Variants in WWOX observed in about 807,000 individuals in gnomAD.
WWOX encodes WW domain-containing oxidoreductase.
WWOX carries 69 observed loss-of-function variants against 46.2 expected under a neutral mutation model. The ratio of observed to expected loss-of-function variants is 1.49; its 90% CI spans 1.23 to 1.82. The LOEUF (loss-of-function observed/expected upper bound fraction) is 1.82. WWOX is among the 40% of genes most tolerant of loss of function. The probability of loss-of-function intolerance (pLI) is 0.00; values close to 1 mark genes in which losing one functional copy is unlikely to be tolerated. For missense variants in WWOX, 919 were observed against 542.6 expected, an observed-to-expected ratio of 1.69 and a Z score of -6.89; for synonymous variants, 359 against 202.6, an observed-to-expected ratio of 1.77 and a Z score of -6.56.
intron 5 of WWOX, among the ~76,000 whole-genome samples, chr16:78,327,348 C>T (rs2080646832): frequency 6.6e-6 from 1 of 152,138 alleles, no homozygotes; most frequent in Non-Finnish European, 1.5e-5. Flanking sequence ...CTTTCAAAGC[C>T]AGTTGTCACT....
At chr16:78,146,930 T>A (rs977508726) in intron 4 of WWOX, among the ~76,000 whole-genome samples, 1 of 152,194 alleles carries the variant, frequency 6.6e-6, no homozygotes, top group African/African-American at 2.4e-5. Context: ...CTGTTGTGGA[T>A]ATTTGACCAC....
chr16:78,401,691 C>A (rs1409110877), intron 6 of WWOX, among the ~76,000 whole-genome samples: 1 of 151,942 alleles, frequency 6.6e-6, no homozygotes, highest in African/African-American at 2.4e-5. Context: ...AATTTACATA[C>A]AATACAATTC....
At chr16:78,774,963 T>C (rs961756933) in intron 8 of WWOX, among the ~76,000 whole-genome samples, 1 of 151,994 alleles carries the variant, frequency 6.6e-6, no homozygotes, top group Non-Finnish European at 1.5e-5. Context: ...ATATTTGTGG[T>C]GTATGCTCGA....
At chr16:78,219,638 C>G (rs1207491215) in intron 5 of WWOX, among the ~76,000 whole-genome samples, 1 of 152,148 alleles carries the variant, frequency 6.6e-6, no homozygotes, top group Non-Finnish European at 1.5e-5. Context: ...ATGAACAGTT[C>G]TCTTTTGCTT....
intron 5 of WWOX, among the ~76,000 whole-genome samples, chr16:78,314,701 G>GTTTTTTTGT (rs2080322590): frequency 1.1e-4 from 7 of 61,306 alleles, no homozygotes; most frequent in Admixed American, 2.0e-4. Context: ...TTTTTTTTTT[G>GTTTTTTTGT]TTTTTTTTTT....
intron 6 of WWOX, among the ~76,000 whole-genome samples, chr16:78,405,149 G>C (rs1035886161): frequency 6.6e-6 from 1 of 152,148 alleles, no homozygotes; most frequent in African/African-American, 2.4e-5. Flanking sequence ...ACAAAAACAA[G>C]AGTATTTCCA....
rs573609259 is a variant in WWOX at position 78,842,766 on chromosome 16, C to A, written c.1057-368842C>A. ...ACTCAGGAGGCTGAGGCAGTAGATTCATTTGAGCCCAGGAGGCGGAGGTTG... is the reference window on the plus strand; with the variant it reads ...ACTCAGGAGGCTGAGGCAGTAGATTAATTTGAGCCCAGGAGGCGGAGGTTG... On this transcript the variant is annotated intron_variant, in intron 8 of 8. Coordinates refer to ENST00000566780, the MANE Select transcript of WWOX (RefSeq NM_016373.4). 2.3e-5 allele frequency among the ~76,000 whole-genome samples: 3 copies of A among 132,640 alleles called. 1 individual carries two copies. Among genetic ancestry groups the A allele is most frequent in the African/African-American group, 5.0e-5 (2 of 40,024 alleles). 87.0% of individuals were successfully genotyped at this position (132,640 alleles called of 152,430 possible).
chr16:78,913,092 T>C (rs2045153981), intron 8 of WWOX, among the ~76,000 whole-genome samples: 1 of 151,994 alleles, frequency 6.6e-6, no homozygotes. Flanking sequence ...TAGCTTTTGC[T>C]TCCCACATCT....
At chr16:78,296,661 T>A (rs1350112913) in intron 5 of WWOX, among the ~76,000 whole-genome samples, 4 of 151,894 alleles carry the variant, frequency 2.6e-5, no homozygotes, top group African/African-American at 4.8e-5. Context: ...TAAAAAAAAA[T>A]CAACATTTGC....
chr16:78,359,941 C>T (rs1405686666), intron 5 of WWOX, among the ~76,000 whole-genome samples: 1 of 152,176 alleles, frequency 6.6e-6, no homozygotes. Flanking sequence ...CAACACTCAT[C>T]TTGCAAATTT....
At chr16:78,308,512 C>T (rs1452750078) in intron 5 of WWOX, among the ~76,000 whole-genome samples, 2 of 152,152 alleles carry the variant, frequency 1.3e-5, no homozygotes, top group African/African-American at 4.8e-5. Context: ...TATAGGATCA[C>T]TTTGCAGATA....
chr16:78,960,884 C>G (rs937649196), intron 8 of WWOX, among the ~76,000 whole-genome samples: 3 of 152,194 alleles, frequency 2.0e-5, no homozygotes, highest in African/African-American at 7.2e-5. Flanking sequence ...CTTTTGAAGA[C>G]TTGATGTCAA....
At chr16:79,093,409 G>C (rs1187341994) in intron 8 of WWOX, among the ~76,000 whole-genome samples, 1 of 152,052 alleles carries the variant, frequency 6.6e-6, no homozygotes, top group African/African-American at 2.4e-5. Context: ...ATGTTCAGTG[G>C]CTTATTGTGA....
At chr16:78,488,095 G>C (rs962974317) in intron 8 of WWOX, among the ~76,000 whole-genome samples, 2 of 152,196 alleles carry the variant, frequency 1.3e-5, no homozygotes, top group Non-Finnish European at 2.9e-5. Context: ...CTGTGGAGCA[G>C]GGAGGGATCT....
Position 78,952,724 on chromosome 16 carries a change from G to C in WWOX, c.1057-258884G>C, listed in dbSNP as rs533716281. 2.0e-4 allele frequency among the ~76,000 whole-genome samples: 30 copies of C among 152,122 alleles called. No homozygotes were observed. The South Asian group carries it at 5.8e-3, about 29-fold the overall frequency. ...TTATTAATTCCTATTTTTCCCACCTGACAGTACGCTCCGTAGGGCATGTGT... is the reference window on the plus strand; with the variant it reads ...TTATTAATTCCTATTTTTCCCACCTCACAGTACGCTCCGTAGGGCATGTGT... On this transcript the variant is annotated intron_variant, in intron 8 of 8. Transcript: ENST00000566780.
intron 8 of WWOX, among the ~76,000 whole-genome samples, chr16:78,661,275 C>A (rs2047205574): frequency 6.6e-6 from 1 of 152,166 alleles, no homozygotes; most frequent in African/African-American, 2.4e-5. Context: ...GACTGGAATG[C>A]CATTGACAGG....
At chr16:78,816,824 C>T (rs1392811688) in intron 8 of WWOX, among the ~76,000 whole-genome samples, 2 of 152,058 alleles carry the variant, frequency 1.3e-5, no homozygotes, top group Non-Finnish European at 2.9e-5. Flanking sequence ...TTATGCAATG[C>T]CAAGTACTCA....
chr16:78,965,195 A>G (rs1404198918), intron 8 of WWOX, among the ~76,000 whole-genome samples: 2 of 152,210 alleles, frequency 1.3e-5, no homozygotes, highest in African/African-American at 2.4e-5. Context: ...TAAACCTCAT[A>G]TGTTTCCATC....
rs79398543 is a variant in WWOX at position 78,389,168 on chromosome 16, C to T, written c.605+2220C>T. On this transcript the variant is annotated intron_variant, in intron 6 of 8. Coordinates refer to ENST00000566780, the MANE Select transcript of WWOX (RefSeq NM_016373.4). Reference sequence around the variant, plus strand: ...AGAGCCCTCCTGTGTGTGTCCTTTGCAGCGCTTGGCTGTTAGTAGCTTCCA... The same window carrying T: ...AGAGCCCTCCTGTGTGTGTCCTTTGTAGCGCTTGGCTGTTAGTAGCTTCCA... 9.5e-3 allele frequency among the ~76,000 whole-genome samples: 1,444 copies of T among 152,320 alleles called. 20 individuals carry two copies. Among genetic ancestry groups the T allele is most frequent in the African/African-American group, 0.032 (1,320 of 41,578 alleles).
Sources: gnomAD v4.1 joint callset for allele counts (sites outside exome capture counted in the v4.1 genomes callset) on GRCh38, gnomAD v4.1.1 for gene constraint, MANE v1.5 for transcripts, NCBI Gene and HGNC (gene_info 2026-07-23, HGNC 2026-07-21) for gene names.